Variants in CPXM2 observed in about 807,000 individuals in gnomAD.
The protein encoded by CPXM2 is carboxypeptidase X, M14 family member 2.
Under a neutral mutation model 86.1 loss-of-function variants are expected in CPXM2, and 66 were observed. The ratio of observed to expected loss-of-function variants is 0.77; its 90% CI spans 0.63 to 0.94. The LOEUF (loss-of-function observed/expected upper bound fraction) is 0.94. Ranked by LOEUF, CPXM2 falls within the 40% of genes least tolerant of loss-of-function variation. The pLI is 0.00. For missense variants in CPXM2, 948 were observed against 1,026.3 expected (o/e 0.92, Z 1.04); for synonymous variants, 388 against 400.2 (o/e 0.97, Z 0.36).
intron 10 of CPXM2, among the ~76,000 whole-genome samples, chr10:123,763,773 G>C (rs916663935): frequency 3.9e-5 from 6 of 151,994 alleles, no homozygotes; most frequent in Non-Finnish European, 8.8e-5. Context: ...ATAACGAACA[G>C]TGTTGCTTTG....
Position 123,811,983 on chromosome 10 carries a change from T to C in CPXM2, c.654-12784A>G, listed in dbSNP as rs1271017572. Among the ~76,000 whole-genome samples the C allele has an allele frequency of 4.6e-5, 7 of 152,212 alleles. No individual in the cohort carries two copies. In the South Asian group the frequency reaches 6.2e-4, roughly 13 times the overall value. ...ACAATAAAAACCTTAAAGAAGACTA[T>C]GACAATCAACTTAGACAGCAAATGT... On this transcript the variant is annotated intron_variant, in intron 4 of 13. Coordinates refer to ENST00000241305, the MANE Select transcript of CPXM2 (RefSeq NM_198148.3).
chr10:123,803,300 T>A (rs529101689), intron 4 of CPXM2, among the ~76,000 whole-genome samples: 1 of 151,930 alleles, frequency 6.6e-6, no homozygotes, highest in South Asian at 2.1e-4. Context: ...TTTGTAGAGA[T>A]GGGGTTTTGC....
At chr10:123,823,487 G>T (rs369273296) in intron 4 of CPXM2, among the ~76,000 whole-genome samples, 167 of 152,240 alleles carry the variant, frequency 1.1e-3, no homozygotes, top group African/African-American at 3.9e-3. Flanking sequence ...TCCAGTAAAA[G>T]AAAAAAGGTT....
intron 2 of CPXM2, among the ~76,000 whole-genome samples, chr10:123,923,508 G>A (rs1945594765): frequency 6.6e-6 from 1 of 151,336 alleles, no homozygotes; most frequent in African/African-American, 2.4e-5. Flanking sequence ...GTGAACCCGG[G>A]AGGCGGAGCT....
Position 123,936,766 on chromosome 10 carries a change from C to T in CPXM2, n.174+2711G>A, listed in dbSNP as rs554658087. Among the ~76,000 whole-genome samples the T allele has an allele frequency of 1.6e-4, 25 of 152,360 alleles. No homozygotes were observed. In the South Asian group the frequency reaches 3.7e-3, roughly 23 times the overall value. On this transcript the variant is annotated intron_variant and non_coding_transcript_variant, in intron 2 of 19. Coordinates refer to the CPXM2 transcript ENST00000368854. ...CTCACTTTCTCTCTCCCCATACTCC[C>T]ACCTCCAGTCCTCGGGCCCCACTGC...
At chr10:123,783,059 A>G (rs1048806757) in intron 6 of CPXM2, among the ~76,000 whole-genome samples, 1 of 152,238 alleles carries the variant, frequency 6.6e-6, no homozygotes, top group Non-Finnish European at 1.5e-5. Context: ...CTATGGCAAG[A>G]TCAGGAAGTT....
intron 10 of CPXM2, among the ~76,000 whole-genome samples, chr10:123,766,266 G>A (rs1052850258): frequency 8.5e-5 from 13 of 152,186 alleles, no homozygotes; most frequent in Non-Finnish European, 1.9e-4. Context: ...TACTTGGCAC[G>A]CCCTTGGCTG....
intron 6 of CPXM2, among the ~76,000 whole-genome samples, chr10:123,780,541 T>C (rs1846909440): frequency 6.6e-6 from 1 of 152,164 alleles, no homozygotes; most frequent in Admixed American, 6.5e-5. Flanking sequence ...TTGACTTGGT[T>C]TTTTACCCAT....
At chr10:123,832,207 T>C (rs377607048) in intron 4 of CPXM2, among the ~76,000 whole-genome samples, 7 of 152,244 alleles carry the variant, frequency 4.6e-5, no homozygotes, top group East Asian at 3.9e-4. Context: ...CCCCTAAAGG[T>C]CATGAGGCCC....
At chr10:123,863,565 G>A (rs1296925000) in intron 2 of CPXM2, among the ~76,000 whole-genome samples, 1 of 152,202 alleles carries the variant, frequency 6.6e-6, no homozygotes, top group Non-Finnish European at 1.5e-5. Context: ...CCATGTGGTG[G>A]CAGTTCCTGG....
At chr10:123,919,296 C>A (rs1945562176) in intron 2 of CPXM2, among the ~76,000 whole-genome samples, 1 of 152,154 alleles carries the variant, frequency 6.6e-6, no homozygotes, top group South Asian at 2.1e-4. Flanking sequence ...TGATTACCTG[C>A]TAAAATGAAA....
chr10:123,796,454 T>C (rs55674223), intron 6 of CPXM2, among the ~76,000 whole-genome samples: 16,622 of 151,984 alleles, frequency 0.11, 1,224 homozygotes, highest in African/African-American at 0.22. Context: ...TTTGATGACA[T>C]AAAAAAACTT....
intron 2 of CPXM2, among the ~76,000 whole-genome samples, chr10:123,939,033 A>G (rs1260229486): frequency 6.6e-6 from 1 of 152,070 alleles, no homozygotes; most frequent in Non-Finnish European, 1.5e-5. Context: ...CCTCTGGAGG[A>G]GCAGACACAT....
At chr10:123,843,842 G>C (rs1003673815) in intron 3 of CPXM2, among the ~76,000 whole-genome samples, 2 of 152,142 alleles carry the variant, frequency 1.3e-5, no homozygotes, top group Non-Finnish European at 2.9e-5. Context: ...GAATAGAACT[G>C]CCACATAGCC....
intron 10 of CPXM2, among the ~76,000 whole-genome samples, chr10:123,765,746 C>G (rs1207490590): frequency 6.6e-6 from 1 of 152,218 alleles, no homozygotes; most frequent in East Asian, 1.9e-4. Context: ...CTACTGCTCA[C>G]TTCTGGAGGG....
chr10:123,830,872 C>CTCTCTCTCTCTGTGTGTGTGTGTG (rs1258897184), intron 4 of CPXM2, among the ~76,000 whole-genome samples: 1 of 142,716 alleles, frequency 7.0e-6, no homozygotes, highest in African/African-American at 2.6e-5. Context: ...CTCTCTCTCT[C>CTCTCTCTCTCTGTGTGTGTGTGTG]TGTGTGTGTG....
At chr10:123,803,698 G>A (rs960062289) in intron 4 of CPXM2, among the ~76,000 whole-genome samples, 1 of 151,986 alleles carries the variant, frequency 6.6e-6, no homozygotes, top group African/African-American at 2.4e-5. Flanking sequence ...GTCTCTCTCT[G>A]TCACTCAGGC....
intron 4 of CPXM2, among the ~76,000 whole-genome samples, chr10:123,810,617 T>TTAAA (rs956999187): frequency 6.6e-6 from 1 of 152,124 alleles, no homozygotes; most frequent in Non-Finnish European, 1.5e-5. Context: ...GTACTTACAC[T>TTAAA]TACAAATAAA....
At chr10:123,910,807 T>C (rs7082230) in intron 2 of CPXM2, among the ~76,000 whole-genome samples, 111,851 of 151,820 alleles carry the variant, frequency 0.74, 42,520 homozygotes, top group African/African-American at 0.93. Flanking sequence ...GAGATCCAGG[T>C]GTCCACAGAG....
Sources: gnomAD v4.1 joint callset for allele counts (sites outside exome capture counted in the v4.1 genomes callset) on GRCh38, gnomAD v4.1.1 for gene constraint, MANE v1.5 for transcripts, NCBI Gene and HGNC (gene_info 2026-07-23, HGNC 2026-07-21) for gene names.